Variants in EVI5 observed in about 807,000 individuals in gnomAD.
The protein encoded by EVI5 is ecotropic viral integration site 5.
EVI5 carries 73 observed loss-of-function variants against 112.0 expected under a neutral mutation model. That is an observed-to-expected ratio of 0.65 (90% CI 0.54 to 0.79). The LOEUF (loss-of-function observed/expected upper bound fraction) is 0.79, where lower values mean the gene tolerates loss of function less well. Among genes scored for constraint, EVI5 ranks in the 30% least tolerant of loss-of-function variants. The pLI is 0.00. For missense variants in EVI5, 900 were observed against 968.8 expected, an observed-to-expected ratio of 0.93 and a Z score of 0.94; for synonymous variants, 305 against 319.9, an observed-to-expected ratio of 0.95 and a Z score of 0.50.
intron 18 of EVI5, among the ~76,000 whole-genome samples, chr1:92,576,540 G>T (rs1350303231): frequency 6.9e-6 from 1 of 144,122 alleles, no homozygotes; most frequent in Non-Finnish European, 1.6e-5. Context: ...AAGAGAGATA[G>T]CTAACAGGGG....
rs754651840 is a variant in EVI5 at position 92,636,251 on chromosome 1, G to T, written c.1478C>A (p.Ser493Tyr). ...LVQARLSEAE[S>Y]QCALKEMQDK... ...CTGCATCTCTTTTAATGCACACTGAGACTCAGCTTCACTCAGTCGGGCTTG... is the reference window on the plus strand; with the variant it reads ...CTGCATCTCTTTTAATGCACACTGATACTCAGCTTCACTCAGTCGGGCTTG... Residue 493 changes from serine (S) to tyrosine (Y), a missense_variant, in exon 14 of 20, where the codon TCT becomes TAT. Transcript: ENST00000684568. 1 of 1,613,622 alleles carries T rather than the reference G, an allele frequency of 6.2e-7. No homozygotes were observed. Among genetic ancestry groups the T allele is most frequent in the African/African-American group, 1.3e-5 (1 of 74,904 alleles).
At chr1:92,666,030 TGA>T (rs768786032) in intron 10 of EVI5, 38 bp from the exon 11 acceptor site, 9 of 1,382,254 alleles carry the variant, frequency 6.5e-6, no homozygotes. Flanking sequence ...CAAGCATTTT[TGA>T]GAGGAAAAAA....
intron 1 of EVI5, among the ~76,000 whole-genome samples, chr1:92,751,219 CTA>C: frequency 6.6e-6 from 1 of 152,302 alleles, no homozygotes; most frequent in South Asian, 2.1e-4. Flanking sequence ...ATTAACATGA[CTA>C]TGTAACTTTA....
chr1:92,718,689 G>C lies in EVI5; in HGVS notation c.150-13945C>G, dbSNP rs185714569. On this transcript the variant is annotated intron_variant, in intron 2 of 19. Coordinates refer to ENST00000684568, the MANE Select transcript of EVI5 (RefSeq NM_001350197.2). Reference sequence around the variant, plus strand: ...TTAGCAGAAGGCAAGAAATAACTAAGAACAGAGCAGAACTGAAGGAGATAG... The same window carrying C: ...TTAGCAGAAGGCAAGAAATAACTAACAACAGAGCAGAACTGAAGGAGATAG... 3.9e-4 allele frequency among the ~76,000 whole-genome samples: 60 copies of C among 152,086 alleles called. No individual in the cohort carries two copies. The East Asian group carries it at 0.011, about 28-fold the overall frequency.
At chr1:92,521,959 T>C (rs952307791) in intron 19 of EVI5, among the ~76,000 whole-genome samples, 2 of 152,228 alleles carry the variant, frequency 1.3e-5, no homozygotes, top group South Asian at 4.1e-4. Context: ...CATTTTAATA[T>C]AGCTTTCAAG....
At chr1:92,755,946 TG>T in intron 1 of EVI5, 1 of 174,474 alleles carries the variant, frequency 5.7e-6, no homozygotes, top group Non-Finnish European at 1.3e-5. Flanking sequence ...TTTGCTGACT[TG>T]ACTGCCATTG....
intron 6 of EVI5, among the ~76,000 whole-genome samples, chr1:92,696,987 C>T (rs1247513546): frequency 1.3e-5 from 2 of 152,078 alleles, no homozygotes; most frequent in Non-Finnish European, 2.9e-5. Flanking sequence ...TTGCAGTGAG[C>T]CGACACCACG....
rs541900960 is a variant in EVI5, at chr1:92,620,346, CA to C, written c.1827+3829del. On this transcript the variant is annotated intron_variant, in intron 16 of 19. Coordinates refer to ENST00000684568, the MANE Select transcript of EVI5 (RefSeq NM_001350197.2). Reference sequence around the variant, plus strand: ...GGGCAACAAGAGTGAAACTCCATCTCAAAAAAAAAAAAAAAAGAAAGAAATA... The same window carrying C: ...GGGCAACAAGAGTGAAACTCCATCTCAAAAAAAAAAAAAAAGAAAGAAATA... Among the ~76,000 whole-genome samples, 109 of 62,620 alleles carry C rather than the reference CA, an allele frequency of 1.7e-3. 1 individual carries two copies. Among genetic ancestry groups the C allele is most frequent in the Admixed American group, 2.5e-3 (13 of 5,188 alleles). 41.1% of individuals were successfully genotyped at this position (62,620 alleles called of 152,430 possible).
At chr1:92,696,327 C>T (rs1290738656) in intron 6 of EVI5, among the ~76,000 whole-genome samples, 1 of 152,020 alleles carries the variant, frequency 6.6e-6, no homozygotes, top group East Asian at 1.9e-4. Context: ...TAAGAATCAT[C>T]TCAAGTCCAG....
intron 1 of EVI5, among the ~76,000 whole-genome samples, chr1:92,737,068 T>TTAGA (rs1443812659): frequency 1.3e-5 from 2 of 152,180 alleles, no homozygotes; most frequent in African/African-American, 4.8e-5. Context: ...AACATGTCCA[T>TTAGA]TAGATGATCA....
At chr1:92,790,999 C>A (rs1328192034) in intron 1 of EVI5, among the ~76,000 whole-genome samples, 1 of 152,134 alleles carries the variant, frequency 6.6e-6, no homozygotes, top group East Asian at 1.9e-4. Context: ...TCTGCCATGA[C>A]TATGGGAAAG....
chr1:92,624,305 C>G lies in EVI5; in HGVS notation c.1698G>C (p.Trp566Cys), dbSNP rs377644327. The stretch of plus-strand genomic sequence containing the variant: ...TAGCATTTTTCTTGGGTGGGTCTTT[C>G]CATCTCCCAGTAGTACGAGCTAAGT... ...QRHLARTTGR[W>C]KDPPKKNAMN... The change falls in exon 16 of 20, where the codon TGG becomes TGC. Residue 566 changes from tryptophan (W) to cysteine (C), a missense_variant. Transcript: ENST00000684568. The G allele has an allele frequency of 9.9e-6, 16 of 1,613,626 alleles. No individual in the cohort carries two copies. The East Asian group carries it at 3.3e-4, about 34-fold the overall frequency.
chr1:92,707,873 T>C (rs900303257), intron 2 of EVI5, among the ~76,000 whole-genome samples: 1 of 152,040 alleles, frequency 6.6e-6, no homozygotes, highest in African/African-American at 2.4e-5. Flanking sequence ...GAAAAATAAG[T>C]GATCAAATTG....
At chr1:92,705,847 T>TA (rs1479479379) in intron 2 of EVI5, among the ~76,000 whole-genome samples, 2 of 152,088 alleles carry the variant, frequency 1.3e-5, no homozygotes, top group African/African-American at 4.8e-5. Context: ...AGAAAGAAAA[T>TA]AAACATATAG....
chr1:92,637,645 G>A (rs899778681), intron 13 of EVI5, among the ~76,000 whole-genome samples: 3 of 152,026 alleles, frequency 2.0e-5, no homozygotes, highest in African/African-American at 4.8e-5. Flanking sequence ...TTTAATTTAT[G>A]TAGTAAAGAA....
chr1:92,698,085 T>A, intron 5 of EVI5, 100 bp from the exon 6 acceptor site: 1 of 1,054,798 alleles, frequency 9.5e-7, no homozygotes, highest in Non-Finnish European at 1.4e-6. Flanking sequence ...ACAAACATTG[T>A]TTGAGTGGCT....
chr1:92,704,481 T>C (rs1425038102), intron 3 of EVI5, 74 bp downstream of exon 3: 4 of 969,422 alleles, frequency 4.1e-6, no homozygotes, highest in South Asian at 2.2e-5. Context: ...GGGGTTTTTT[T>C]CCCAATCCTC....
At chr1:92,751,406 G>C (rs1680179457) in intron 1 of EVI5, among the ~76,000 whole-genome samples, 1 of 152,070 alleles carries the variant, frequency 6.6e-6, no homozygotes, top group Non-Finnish European at 1.5e-5. Flanking sequence ...TATCACATGT[G>C]CTATCAATCT....
In EVI5 at chr1:92,663,557, C is replaced by T. The variant is rs146074629; in HGVS notation, c.1213-105G>A. ...CCCAAATTCCATCTACTTTTCATTGCTAATTAAAATGGACATTTAAAGTTT... is the reference window on the plus strand; with the variant it reads ...CCCAAATTCCATCTACTTTTCATTGTTAATTAAAATGGACATTTAAAGTTT... On this transcript the variant is annotated intron_variant, in intron 11 of 19. Coordinates refer to ENST00000684568, the MANE Select transcript of EVI5 (RefSeq NM_001350197.2). 2.8e-4 allele frequency: 142 copies of T among 509,108 alleles called. 1 individual carries two copies. Among genetic ancestry groups the T allele is most frequent in the African/African-American group, 2.1e-3 (107 of 51,090 alleles). 31.5% of individuals were successfully genotyped at this position (509,108 alleles called of 1,614,324 possible).
Sources: allele counts gnomAD v4.1 joint callset (sites outside exome capture counted in the v4.1 genomes callset), GRCh38; gene constraint gnomAD v4.1.1; transcripts MANE v1.5; gene names NCBI Gene and HGNC (gene_info 2026-07-23, HGNC 2026-07-21).